The following POLRMT variants were observed in gnomAD, a reference collection of about 807,000 sequenced individuals.
POLRMT encodes DNA-directed RNA polymerase, mitochondrial.
Under a neutral mutation model 132.2 loss-of-function variants are expected in POLRMT, and 114 were observed. That is an observed-to-expected ratio of 0.86 (90% CI 0.74 to 1.01). The LOEUF (loss-of-function observed/expected upper bound fraction) is 1.01, where lower values mean the gene tolerates loss of function less well. POLRMT is among the 50% of genes least tolerant of loss of function. POLRMT has a pLI of 0.00. For synonymous variants in POLRMT, 1,020 were observed against 773.4 expected, an observed-to-expected ratio of 1.32 and a Z score of -5.29; for missense variants, 2,003 against 1,729.1, an observed-to-expected ratio of 1.16 and a Z score of -2.81.
intron 2 of POLRMT, 32 bp downstream of exon 2, chr19:632,802 C>G: frequency 6.6e-7 from 1 of 1,518,972 alleles, no homozygotes; most frequent in South Asian, 1.2e-5. Flanking sequence ...GCGGACTCTC[C>G]TCTCCCGGGC....
rs76890343 is a variant in POLRMT at position 621,063 on chromosome 19, A to C, written c.2635T>G (p.Leu879Val). The C allele has an allele frequency of 2.3e-6, 3 of 1,315,802 alleles. No individual in the cohort carries two copies. Among genetic ancestry groups the C allele is most frequent in the African/African-American group, 3.2e-5 (2 of 62,596 alleles). The allele number at this position is 1,315,802 out of a possible 1,614,324, so 81.5% of individuals were successfully genotyped here. The change falls in exon 10 of 21, where the codon TTG (leucine) becomes GTG (valine). Residue 879 changes from leucine to valine, a missense_variant. Coordinates refer to ENST00000588649, the MANE Select transcript of POLRMT (RefSeq NM_005035.4). ...DDILDSADQP[L>V]TGRKWWMGAE... ...TGCGGGGGCCCCGCCCCTACCGTCA[A>C]GGGTTGGTCCGCGGAGTCCAGGATG...
chr19:626,134 ACTT>A (rs1243215626), intron 3 of POLRMT, among the ~76,000 whole-genome samples: 3 of 151,760 alleles, frequency 2.0e-5, no homozygotes, highest in South Asian at 2.1e-4. Context: ...TTCATAGTTT[ACTT>A]CTTCTTTGGA....
rs753885652 is a variant in POLRMT, at chr19:617,502, G to A, written c.3582-22C>T. 6.8e-6 allele frequency: 11 copies of A among 1,610,516 alleles called. No homozygotes were observed. In the African/African-American group the frequency reaches 1.1e-4, roughly 16 times the overall value. On this transcript the variant is annotated intron_variant, in intron 19 of 20. Transcript: ENST00000588649. ...GGGCCTGGGGTTGGAAGCAGGGTGG[G>A]GTGAGGCTGAGGCCAGGTTTTGGGG...
At position 629,858 on chromosome 19, in the gene POLRMT, G is replaced by C. The variant is rs1254718428; in HGVS notation, c.504C>G (p.Ser168Arg). ...CCTCCAGGCACCCGGCCATCTGCTT[G>C]CTCAGGAGCCGGGGCTCCACCTGCA... ...RRLQVEPRLL[S>R]KQMAGCLEDC... The change falls in exon 3 of 21, where the codon AGC becomes AGG. Residue 168 changes from serine to arginine, a missense_variant. Physicochemically the swap from Ser to Arg is moderately radical, Grantham distance 110. Transcript: ENST00000588649. The C allele has an allele frequency of 6.2e-7, 1 of 1,608,322 alleles. No individual in the cohort carries two copies. The highest frequency in any genetic ancestry group is 8.5e-7 in the Non-Finnish European group (1 of 1,177,656).
Position 633,475 on chromosome 19 carries a change from A to G in POLRMT, c.38T>C (p.Leu13Pro), listed in dbSNP as rs1444824075. ...ALCWGRGAAG[L>P]KRALRPCGRP... ...GCCGCAAGGCCGTAGGGCTCGTTTG[A>G]GCCCCGCCGCTCCGCGGCCCCAGCA... Residue 13 changes from leucine (L) to proline (P), a missense_variant, in exon 1 of 21, where the codon CTC (leucine) becomes CCC (proline). Physicochemically the swap from Leu to Pro is moderately conservative, Grantham distance 98 (BLOSUM62 -3). Transcript: ENST00000588649. 1 of 1,559,082 alleles carries G rather than the reference A, an allele frequency of 6.4e-7. No homozygotes were observed.
chr19:625,177 C>A lies in POLRMT; in HGVS notation c.900G>T (p.Ala300=). 1 of 1,614,016 alleles carries A rather than the reference C, an allele frequency of 6.2e-7. No homozygotes were observed. The change falls in exon 4 of 21, where the codon GCG becomes GCT. Residue 300 remains alanine, a synonymous_variant. Coordinates refer to ENST00000588649, the MANE Select transcript of POLRMT (RefSeq NM_005035.4). ...GCCTCCCCATGCACTGGAGGGCAGC[C>A]GCATAGGACAGCAGGTCCGGAGTCA... ...AGLTPDLLSY[A]AALQCMGRQD...
intron 10 of POLRMT, among the ~76,000 whole-genome samples, chr19:620,720 G>T (rs1005112145): frequency 6.8e-6 from 1 of 147,338 alleles, no homozygotes; most frequent in African/African-American, 2.5e-5. Context: ...CGGAGCTGCC[G>T]GGGGAGGAGG....
In POLRMT at chr19:618,688, C is replaced by T. The variant is rs764727644; in HGVS notation, c.3323+17G>A. On this transcript the variant is annotated intron_variant, in intron 16 of 20. Coordinates refer to ENST00000588649, the MANE Select transcript of POLRMT (RefSeq NM_005035.4). ...TCCAGACCCCCGGCCAGGCCCCAGCCCGGGCCCCCCACTCACCGGCTGATG... is the reference window on the plus strand; with the variant it reads ...TCCAGACCCCCGGCCAGGCCCCAGCTCGGGCCCCCCACTCACCGGCTGATG... The T allele has an allele frequency of 5.0e-6, 8 of 1,599,470 alleles. No individual in the cohort carries two copies. The highest frequency in any genetic ancestry group is 2.2e-5 in the South Asian group (2 of 90,228).
chr19:628,082 G>A (rs895384803), intron 3 of POLRMT, among the ~76,000 whole-genome samples: 5 of 152,162 alleles, frequency 3.3e-5, no homozygotes, highest in African/African-American at 9.7e-5. Context: ...GCAGTCCAGC[G>A]ACATCCAGGA....
chr19:628,340 A>G (rs1985168673), intron 3 of POLRMT, among the ~76,000 whole-genome samples: 2 of 151,986 alleles, frequency 1.3e-5, no homozygotes, highest in African/African-American at 4.8e-5. Flanking sequence ...AAAATACACG[A>G]CCCTCATCCT....
chr19:617,883 G>T, intron 17 of POLRMT, 34 bp from the exon 18 acceptor site: 3 of 1,600,796 alleles, frequency 1.9e-6, no homozygotes, highest in Non-Finnish European at 2.6e-6. Context: ...GAAGGGAGGG[G>T]AGCTCACAGG....
chr19:630,781 C>G (rs568101772), intron 2 of POLRMT, among the ~76,000 whole-genome samples: 1 of 152,358 alleles, frequency 6.6e-6, no homozygotes, highest in South Asian at 2.1e-4. Flanking sequence ...AAACGCGGCT[C>G]CTGCTCGTGC....
At chr19:617,728 T>G in intron 18 of POLRMT, 49 bp downstream of exon 18, 2 of 1,611,178 alleles carry the variant, frequency 1.2e-6, no homozygotes, top group South Asian at 2.2e-5. Flanking sequence ...AACGCCCCAG[T>G]GTGGGGGCCC....
Position 618,538 on chromosome 19 carries a change from G to C in POLRMT, c.3372C>G (p.Ile1124Met), listed in dbSNP as rs144932030. ...KQKNGFPPNF[I>M]HSLDSSHMML... ...TCATGTGGGAGGAGTCCAGCGAGTG[G>C]ATGAAGTTGGGCGGGAAGCCGTTCT... The change falls in exon 17 of 21, where the codon ATC becomes ATG. Residue 1124 changes from isoleucine (I) to methionine (M), a missense_variant. Transcript: ENST00000588649. The C allele has an allele frequency of 1.2e-6, 2 of 1,613,422 alleles. No homozygotes were observed. Among genetic ancestry groups the C allele is most frequent in the East Asian group, 2.2e-5 (1 of 44,862 alleles).
In POLRMT at chr19:617,615, A is replaced by G; in HGVS notation, c.3536T>C (p.Ile1179Thr). The G allele has an allele frequency of 6.2e-7, 1 of 1,612,400 alleles. No individual in the cohort carries two copies. Among genetic ancestry groups the G allele is most frequent in the Non-Finnish European group, 8.5e-7 (1 of 1,179,962 alleles). ...EQFVRLHSEPILQDLSRFLVK... is the reference protein window; with the variant it reads ...EQFVRLHSEPTLQDLSRFLVK... Reference sequence around the variant, plus strand: ...CAGGAATCTGGACAGGTCCTGCAGGATGGGCTCGCTGTGCAAGCGGACAAA... The same window carrying G: ...CAGGAATCTGGACAGGTCCTGCAGGGTGGGCTCGCTGTGCAAGCGGACAAA... The change falls in exon 19 of 21, where the codon ATC becomes ACC. Residue 1179 changes from isoleucine to threonine, a missense_variant. By Grantham distance (89) the Ile-to-Thr change is moderately conservative (BLOSUM62 -1). Coordinates refer to ENST00000588649, the MANE Select transcript of POLRMT (RefSeq NM_005035.4).
chr19:629,073 C>T (rs986170075), intron 3 of POLRMT, among the ~76,000 whole-genome samples: 2 of 152,090 alleles, frequency 1.3e-5, no homozygotes, highest in Non-Finnish European at 2.9e-5. Context: ...TGAACCACAA[C>T]GAAGATGGGT....
At position 618,474 on chromosome 19, in the gene POLRMT, C is replaced by T; in HGVS notation, c.3422+14G>A. The T allele has an allele frequency of 1.9e-6, 3 of 1,580,054 alleles. No individual in the cohort carries two copies. The highest frequency in any genetic ancestry group is 2.6e-6 in the Non-Finnish European group (3 of 1,155,322). On this transcript the variant is annotated intron_variant, in intron 17 of 20. Coordinates refer to ENST00000588649, the MANE Select transcript of POLRMT (RefSeq NM_005035.4). ...GGGAGGCGAGCGGCACCCACGCCGT[C>T]CGGAGACGCCCACCTGTAGCAGTGC...
rs1201899489 is a variant in POLRMT, at chr19:622,296, G to A, written c.1704C>T (p.Pro568=). 2 of 1,566,580 alleles carry A rather than the reference G, an allele frequency of 1.3e-6. No individual in the cohort carries two copies. The highest frequency in any genetic ancestry group is 1.2e-5 in the South Asian group (1 of 85,724). The part of the protein sequence containing the change: ...APEALREQPW[P]LPVQMELGKL... ...TGCCCAGCTCCATCTGCACTGGCAG[G>A]GGCCAGGGCTGCTCCCGCAGGGCCT... The change falls in exon 9 of 21, where the codon CCC becomes CCT. Residue 568 remains proline (P), a synonymous_variant. Transcript: ENST00000588649.
chr19:621,662 T>G lies in POLRMT; in HGVS notation c.2036A>C (p.Gln679Pro). Residue 679 changes from glutamine to proline, a missense_variant, in exon 10 of 21, where the codon CAG becomes CCG. By Grantham distance (76) the Gln-to-Pro change is moderately conservative (BLOSUM62 -1). Coordinates refer to ENST00000588649, the MANE Select transcript of POLRMT (RefSeq NM_005035.4). ...GCAGGTTTCCAGCAGCTCCTGGTGC[T>G]GCGTGGCGCCTTCCACCGTGCGCAT... ...KLMRTVEGAT[Q>P]HQELLETCPP... 3 of 1,545,042 alleles carry G rather than the reference T, an allele frequency of 1.9e-6. No homozygotes were observed. Among genetic ancestry groups the G allele is most frequent in the South Asian group, 1.2e-5 (1 of 83,634 alleles).
Sources: allele counts gnomAD v4.1 joint callset (sites outside exome capture counted in the v4.1 genomes callset), GRCh38; gene constraint gnomAD v4.1.1; transcripts MANE v1.5; gene names NCBI Gene and HGNC (gene_info 2026-07-23, HGNC 2026-07-21).